Variants in OSBPL9 observed in about 807,000 individuals in gnomAD.
OSBPL9 encodes the protein oxysterol-binding protein-related protein 9.
In OSBPL9, 40 loss-of-function variants were observed where a neutral mutation model predicts 106.6. That is an observed-to-expected ratio of 0.38 (90% CI 0.29 to 0.49). OSBPL9 has a LOEUF of 0.49. Ranked by LOEUF, OSBPL9 falls within the 20% of genes least tolerant of loss-of-function variation. The pLI, the probability that OSBPL9 is intolerant of heterozygous loss-of-function variation, is 0.97. For missense variants in OSBPL9, 609 were observed against 887.2 expected (o/e 0.69, Z 3.98); for synonymous variants, 269 against 295.4 (o/e 0.91, Z 0.92).
At chr1:51,628,244 T>C (rs544587990) in intron 1 of OSBPL9, among the ~76,000 whole-genome samples, 4 of 152,242 alleles carry the variant, frequency 2.6e-5, no homozygotes, top group Admixed American at 1.3e-4. Context: ...CTGTGTACTT[T>C]ATATAAATGG....
At chr1:51,530,179 A>C in the OSBPL9 span, among the ~76,000 whole-genome samples, 1 of 114,122 alleles carries the variant, frequency 8.8e-6, no homozygotes, top group Non-Finnish European at 1.8e-5. Context: ...TCAAAAAAAA[A>C]AAAAAAAAAA....
chr1:51,678,163 A>G (rs963848804), intron 3 of OSBPL9, among the ~76,000 whole-genome samples: 3 of 152,174 alleles, frequency 2.0e-5, no homozygotes, highest in Non-Finnish European at 4.4e-5. Flanking sequence ...AGCCTGGGTG[A>G]CACAGTGAGA....
At chr1:51,608,682 G>GC (rs1016527184) in intron 2 of OSBPL9, among the ~76,000 whole-genome samples, 18 of 151,794 alleles carry the variant, frequency 1.2e-4, no homozygotes, top group African/African-American at 3.6e-4. Context: ...TGGATTGGGG[G>GC]GGGGGGCTTT....
At chr1:51,540,710 G>A in the OSBPL9 span, among the ~76,000 whole-genome samples, 1 of 151,110 alleles carries the variant, frequency 6.6e-6, no homozygotes, top group Non-Finnish European at 1.5e-5. Context: ...CTGTAATCCA[G>A]CACTTTGGGA....
At chr1:51,703,863 C>T (rs1475696379) in intron 3 of OSBPL9, among the ~76,000 whole-genome samples, 1 of 152,164 alleles carries the variant, frequency 6.6e-6, no homozygotes, top group Non-Finnish European at 1.5e-5. Context: ...TGAATTTTGT[C>T]AAAGGCCTTT....
chr1:51,713,397 G>A (rs889555977), intron 3 of OSBPL9, among the ~76,000 whole-genome samples: 1 of 151,968 alleles, frequency 6.6e-6, no homozygotes, highest in African/African-American at 2.4e-5. Context: ...TGATCCGCCC[G>A]CCTCAGCCTC....
chr1:51,646,915 T>C (rs887634354), intron 1 of OSBPL9, among the ~76,000 whole-genome samples: 5 of 152,198 alleles, frequency 3.3e-5, no homozygotes, highest in African/African-American at 1.2e-4. Flanking sequence ...CTAGATGCCT[T>C]TATTTCCTTT....
At chr1:51,612,821 A>T (rs867923610), upstream of OSBPL9, among the ~76,000 whole-genome samples, 5 of 152,254 alleles carry the variant, frequency 3.3e-5, no homozygotes, top group South Asian at 2.1e-4. Flanking sequence ...CAAGACATTT[A>T]TACATAAACA....
At chr1:51,724,527 G>A (rs550424573) in intron 4 of OSBPL9, among the ~76,000 whole-genome samples, 11 of 151,772 alleles carry the variant, frequency 7.2e-5, no homozygotes, top group Non-Finnish European at 1.3e-4. Flanking sequence ...CTCGTGATTC[G>A]CACATCTCGG....
At chr1:51,659,708 G>T (rs1199847909) in intron 2 of OSBPL9, among the ~76,000 whole-genome samples, 2 of 151,960 alleles carry the variant, frequency 1.3e-5, no homozygotes, top group Admixed American at 6.6e-5. Flanking sequence ...CGTAATAGTA[G>T]AGATGAAAAA....
chr1:51,780,203 TAAAA>T (rs78426387), intron 15 of OSBPL9, among the ~76,000 whole-genome samples: 2 of 142,058 alleles, frequency 1.4e-5, no homozygotes, highest in Non-Finnish European at 3.1e-5. Flanking sequence ...ATGGCCATAT[TAAAA>T]AAAAAAAAAA....
chr1:51,753,544 GA>G (rs1296533215), intron 8 of OSBPL9, among the ~76,000 whole-genome samples: 1 of 152,170 alleles, frequency 6.6e-6, no homozygotes, highest in African/African-American at 2.4e-5. Flanking sequence ...CACTTTGGCA[GA>G]CTCTTATTCA....
chr1:51,760,558 C>T (rs1671269317), intron 9 of OSBPL9, 132 bp from the exon 10 acceptor site: 2 of 1,328,794 alleles, frequency 1.5e-6, no homozygotes, highest in Non-Finnish European at 2.0e-6. Flanking sequence ...GTTTCATTCC[C>T]TCTTTTCATT....
intron 2 of OSBPL9, among the ~76,000 whole-genome samples, chr1:51,658,857 C>G (rs1488423199): frequency 6.6e-6 from 1 of 151,626 alleles, no homozygotes; most frequent in Non-Finnish European, 1.5e-5. Flanking sequence ...TATCAATTGT[C>G]TTGTTATTTC....
intron 3 of OSBPL9, among the ~76,000 whole-genome samples, chr1:51,671,249 A>C (rs1649806698): frequency 6.6e-6 from 1 of 152,146 alleles, no homozygotes; most frequent in Non-Finnish European, 1.5e-5. Context: ...GAGCTATTTC[A>C]CATTCATAGG....
At chr1:51,703,276 A>G (rs1306054829) in intron 3 of OSBPL9, among the ~76,000 whole-genome samples, 2 of 152,212 alleles carry the variant, frequency 1.3e-5, no homozygotes, top group East Asian at 1.9e-4. Context: ...ACCCATGAGC[A>G]TGGAATGTTC....
upstream of OSBPL9, among the ~76,000 whole-genome samples, chr1:51,572,890 C>T (rs1391947823): frequency 6.6e-6 from 1 of 151,994 alleles, no homozygotes; most frequent in African/African-American, 2.4e-5. Context: ...ACTCCATCTA[C>T]TAATTTTTTA....
chr1:51,789,178 T>TACAA lies in OSBPL9; in HGVS notation c.*1397_*1400dup, dbSNP rs200418110. ...CAGTAGTATAACTAACTCCATAAAA[T>TACAA]ACAAACAAACACATTTTAAAATACA... On this transcript the variant is annotated 3_prime_UTR_variant, in exon 24 of 24. Transcript: ENST00000428468. The TACAA allele has an allele frequency of 3.6e-4, 545 of 1,517,990 alleles. 4 individuals are homozygous for TACAA. The East Asian group carries it at 4.0e-3, about 11-fold the overall frequency. The allele number at this position is 1,517,990 out of a possible 1,614,324, so 94.0% of individuals were successfully genotyped here. A position where few individuals can be genotyped will look rare whatever the true frequency, so the allele number is the denominator to read the frequency against.
intron 3 of OSBPL9, among the ~76,000 whole-genome samples, chr1:51,702,174 T>G (rs1034343990): frequency 7.2e-5 from 11 of 152,320 alleles, no homozygotes; most frequent in Middle Eastern, 3.4e-3. Flanking sequence ...GTAATGGGAT[T>G]GCTGGGTCAA....
Sources: allele counts gnomAD v4.1 joint callset (sites outside exome capture counted in the v4.1 genomes callset), GRCh38; gene constraint gnomAD v4.1.1; transcripts MANE v1.5; gene names NCBI Gene and HGNC (gene_info 2026-07-23, HGNC 2026-07-21).